PLA2G4C: variants seen among roughly 807,000 people sequenced by gnomAD.
The protein encoded by PLA2G4C is cytosolic phospholipase A2 gamma.
PLA2G4C carries 64 observed loss-of-function variants against 73.8 expected under a neutral mutation model. The observed-to-expected ratio is 0.87, with a 90% CI of 0.71 to 1.07. PLA2G4C has a LOEUF of 1.07. Ranked by LOEUF, PLA2G4C falls within the 50% of genes least tolerant of loss-of-function variation. The probability of loss-of-function intolerance (pLI) is 0.00; values close to 1 mark genes in which losing one functional copy is unlikely to be tolerated. For missense variants in PLA2G4C, 622 were observed against 665.4 expected (o/e 0.93, Z 0.72); for synonymous variants, 254 against 252.1 (o/e 1.01, Z -0.07).
At chr19:48,099,336 G>A (rs1221724350) in intron 5 of PLA2G4C, among the ~76,000 whole-genome samples, 1 of 152,070 alleles carries the variant, frequency 6.6e-6, no homozygotes, top group Non-Finnish European at 1.5e-5. Flanking sequence ...AGATGGAGAG[G>A]AAAGTTGTCT....
intron 8 of PLA2G4C, among the ~76,000 whole-genome samples, chr19:48,089,725 C>A (rs2031187795): frequency 6.6e-6 from 1 of 152,126 alleles, no homozygotes; most frequent in Non-Finnish European, 1.5e-5. Context: ...CCAGAGTGAG[C>A]AGTGCAGGAG....
At chr19:48,055,187 G>T in intron 14 of PLA2G4C, 138 bp from the exon 15 acceptor site, 1 of 729,494 alleles carries the variant, frequency 1.4e-6, no homozygotes, top group Non-Finnish European at 2.3e-6. Context: ...CTTGGACAGG[G>T]ACAACATCTT....
chr19:48,109,752 C>G (rs1478371001), intron 1 of PLA2G4C, among the ~76,000 whole-genome samples: 2 of 152,086 alleles, frequency 1.3e-5, no homozygotes, highest in Non-Finnish European at 2.9e-5. Flanking sequence ...CGGGCTCACG[C>G]CATTCTCCTG....
chr19:48,061,112 AC>A, intron 14 of PLA2G4C, among the ~76,000 whole-genome samples: 1 of 152,080 alleles, frequency 6.6e-6, no homozygotes, highest in Admixed American at 6.6e-5. Flanking sequence ...ACATAGCAAG[AC>A]CCTGTCTCTA....
At chr19:48,055,888 T>A (rs1416712374) in intron 14 of PLA2G4C, among the ~76,000 whole-genome samples, 1 of 151,976 alleles carries the variant, frequency 6.6e-6, no homozygotes, top group East Asian at 1.9e-4. Context: ...TCTCCCAAAG[T>A]GCTGGGATTA....
At chr19:48,095,134 C>A (rs943545310) in intron 7 of PLA2G4C, among the ~76,000 whole-genome samples, 1 of 152,152 alleles carries the variant, frequency 6.6e-6, no homozygotes, top group Non-Finnish European at 1.5e-5. Context: ...GGGATCCTCC[C>A]AGGTCAGCCT....
Position 48,048,285 on chromosome 19 carries a change from G to A in PLA2G4C, c.*58C>T, listed in dbSNP as rs1967595605. ...GGAGTGAAGAACAGGAAGGCCAGGT[G>A]GACATCAGGGCCCTAGTAGACCAAC... On this transcript the variant is annotated 3_prime_UTR_variant, in exon 17 of 17. Transcript: ENST00000599921. 3 of 1,313,966 alleles carry A rather than the reference G, an allele frequency of 2.3e-6. No homozygotes were observed. Among genetic ancestry groups the A allele is most frequent in the South Asian group, 2.5e-5 (2 of 78,716 alleles). 81.4% of individuals were successfully genotyped at this position (1,313,966 alleles called of 1,614,324 possible). A position where few individuals can be genotyped will look rare whatever the true frequency, so the allele number is the denominator to read the frequency against.
intron 5 of PLA2G4C, among the ~76,000 whole-genome samples, chr19:48,098,713 TAAAAAAAAAAAAAAAAAAAAAAAAAAA>T (rs548688675): frequency 2.3e-4 from 7 of 30,860 alleles, no homozygotes; most frequent in African/African-American, 7.7e-4. Flanking sequence ...ACCCTATCTC[TAAAAAAAAAAAAAAAAAAAAAAAAAAA>T]AAAAAAAAAA....
At chr19:48,103,677 C>A (rs1041352270) in intron 4 of PLA2G4C, among the ~76,000 whole-genome samples, 2 of 152,190 alleles carry the variant, frequency 1.3e-5, no homozygotes, top group African/African-American at 4.8e-5. Context: ...GACAGTCCTA[C>A]ACGGATTAAT....
At chr19:48,061,928 C>T in intron 14 of PLA2G4C, 70 bp downstream of exon 14, 1 of 1,518,922 alleles carries the variant, frequency 6.6e-7, no homozygotes. Context: ...GTCCTCAGTT[C>T]CTCCGCAAAG....
chr19:48,054,100 A>G (rs1967834927), intron 15 of PLA2G4C, among the ~76,000 whole-genome samples: 1 of 152,140 alleles, frequency 6.6e-6, no homozygotes, highest in Non-Finnish European at 1.5e-5. Flanking sequence ...GTTGGAGCGT[A>G]ACAAGATGTC....
At chr19:48,065,388 G>T (rs1968374797) in intron 13 of PLA2G4C, among the ~76,000 whole-genome samples, 1 of 151,920 alleles carries the variant, frequency 6.6e-6, no homozygotes, top group Non-Finnish European at 1.5e-5. Context: ...GGCCAAGGTG[G>T]GCAGATCATT....
At chr19:48,088,733 G>A (rs966211004) in intron 8 of PLA2G4C, 21 bp from the exon 9 acceptor site, 1 of 1,582,218 alleles carries the variant, frequency 6.3e-7, no homozygotes, top group Admixed American at 1.7e-5. Context: ...GTAGAAGCAG[G>A]AGGAATGTTT....
intron 10 of PLA2G4C, among the ~76,000 whole-genome samples, chr19:48,084,555 C>T (rs918570141): frequency 6.6e-6 from 1 of 152,166 alleles, no homozygotes; most frequent in Admixed American, 6.6e-5. Context: ...CAGCTCCACA[C>T]ACCTGTTGGC....
At chr19:48,108,266 C>T (rs2032328551) in intron 1 of PLA2G4C, among the ~76,000 whole-genome samples, 1 of 152,078 alleles carries the variant, frequency 6.6e-6, no homozygotes. Context: ...TCCTGGGTTG[C>T]TGGGACTACA....
chr19:48,104,661 C>A lies in PLA2G4C; in HGVS notation c.184G>T (p.Val62Phe), dbSNP rs144670307. ...GLRAHIACLG[V>F]LSEMKEQGLL... is the part of the protein sequence containing the mutation. ...CCCTGTTCTTTCATCTCACTCAGGACCCCAAGGCAGGCAATGTGAGCCCGC... is the reference window on the plus strand; with the variant it reads ...CCCTGTTCTTTCATCTCACTCAGGAACCCAAGGCAGGCAATGTGAGCCCGC... Residue 62 changes from valine to phenylalanine, a missense_variant, in exon 4 of 17, where the codon GTC becomes TTC. Val to Phe is a conservative substitution (Grantham distance 50). Transcript: ENST00000599921. The A allele has an allele frequency of 1.4e-4, 227 of 1,614,070 alleles. No homozygotes were observed. Among genetic ancestry groups the A allele is most frequent in the Middle Eastern group, 6.6e-4 (4 of 6,062 alleles).
intron 10 of PLA2G4C, among the ~76,000 whole-genome samples, chr19:48,084,491 G>A (rs960203843): frequency 3.3e-5 from 5 of 152,186 alleles, no homozygotes; most frequent in African/African-American, 1.2e-4. Flanking sequence ...TGAGAGGAGA[G>A]AGCTGGAGAG....
chr19:48,095,315 TAC>T, intron 7 of PLA2G4C, 147 bp downstream of exon 7: 1 of 717,622 alleles, frequency 1.4e-6, no homozygotes, highest in East Asian at 2.5e-5. Flanking sequence ...GCAGAAGGAA[TAC>T]ACCATTCCTC....
chr19:48,106,482 G>A (rs753265752), intron 2 of PLA2G4C, 40 bp downstream of exon 2: 42 of 1,486,648 alleles, frequency 2.8e-5, no homozygotes, highest in Non-Finnish European at 3.9e-5. Context: ...TTACACAAAT[G>A]CTCTGCTTCC....
Sources: allele counts gnomAD v4.1 joint callset (sites outside exome capture counted in the v4.1 genomes callset), GRCh38; gene constraint gnomAD v4.1.1; transcripts MANE v1.5; gene names NCBI Gene and HGNC (gene_info 2026-07-23, HGNC 2026-07-21).